PLSCR1: variants seen among roughly 807,000 people sequenced by gnomAD.
The protein encoded by PLSCR1 is PL scramblase 1.
In PLSCR1, 17 loss-of-function variants were observed where a neutral mutation model predicts 37.8. That is an observed-to-expected ratio of 0.45 (90% confidence interval 0.31 to 0.68). PLSCR1 has a LOEUF of 0.68. Ranked by LOEUF, PLSCR1 falls within the 30% of genes least tolerant of loss-of-function variation. The pLI is 0.06. For synonymous variants in PLSCR1, 116 were observed against 125.9 expected (o/e 0.92, Z 0.53); for missense variants, 347 against 380.9 (o/e 0.91, Z 0.74).
At chr3:146,518,609 A>C (rs2043977188) in intron 7 of PLSCR1, among the ~76,000 whole-genome samples, 1 of 152,222 alleles carries the variant, frequency 6.6e-6, no homozygotes, top group Admixed American at 6.6e-5. Flanking sequence ...AAAATGAAAA[A>C]TGCAGCTGAC....
At chr3:146,520,699 A>T (rs1041613221) in intron 7 of PLSCR1, among the ~76,000 whole-genome samples, 1 of 152,110 alleles carries the variant, frequency 6.6e-6, no homozygotes, top group Non-Finnish European at 1.5e-5. Context: ...ATGACACTGG[A>T]TATTGAAAAA....
chr3:146,540,140 T>A (rs1576799562), intron 1 of PLSCR1, among the ~76,000 whole-genome samples: 1 of 152,298 alleles, frequency 6.6e-6, no homozygotes, highest in East Asian at 1.9e-4. Flanking sequence ...AAAGGGAAAA[T>A]CATCTTTATG....
chr3:146,515,757 TA>T lies in PLSCR1; in HGVS notation c.*287del. The T allele has an allele frequency of 4.2e-6, 1 of 240,408 alleles. No homozygotes were observed. The allele number at this position is 240,408 out of a possible 1,614,324, so 14.9% of individuals were successfully genotyped here. On this transcript the variant is annotated 3_prime_UTR_variant, in exon 9 of 9. Transcript: ENST00000342435. ...TAAGGCCTTAGTTAATATTTGGTAG[TA>T]AAATGGACAATGAATCAGAGATCAT...
chr3:146,515,973 A>T lies in PLSCR1; in HGVS notation c.*72T>A. Reference sequence around the variant, plus strand: ...CTACAGGCCTTACAGCTTAATTCATACAGGTATGAGTTTAGATAGTCTCAA... The same window carrying T: ...CTACAGGCCTTACAGCTTAATTCATTCAGGTATGAGTTTAGATAGTCTCAA... On this transcript the variant is annotated 3_prime_UTR_variant, in exon 9 of 9. Coordinates refer to ENST00000342435, the MANE Select transcript of PLSCR1 (RefSeq NM_021105.3). The T allele has an allele frequency of 1.1e-6, 1 of 924,472 alleles. No individual in the cohort carries two copies. The highest frequency in any genetic ancestry group is 1.7e-6 in the Non-Finnish European group (1 of 575,888). 57.3% of individuals were successfully genotyped at this position (924,472 alleles called of 1,614,324 possible). A position where few individuals can be genotyped will look rare whatever the true frequency, so the allele number is the denominator to read the frequency against.
At chr3:146,526,880 G>T (rs2044124325) in intron 4 of PLSCR1, among the ~76,000 whole-genome samples, 1 of 152,168 alleles carries the variant, frequency 6.6e-6, no homozygotes, top group Non-Finnish European at 1.5e-5. Context: ...AGTGGTTCAC[G>T]ACTGTAATCC....
chr3:146,539,450 G>A (rs1292328508), intron 1 of PLSCR1, among the ~76,000 whole-genome samples: 3 of 152,226 alleles, frequency 2.0e-5, no homozygotes, highest in Non-Finnish European at 4.4e-5. Context: ...TGGTGATCCA[G>A]GAGCTGGGGA....
intron 7 of PLSCR1, among the ~76,000 whole-genome samples, chr3:146,519,147 T>A (rs991311803): frequency 6.6e-6 from 1 of 152,118 alleles, no homozygotes; most frequent in African/African-American, 2.4e-5. Context: ...CAAAGAGAAG[T>A]GAAAGAATTT....
At chr3:146,534,470 A>C (rs2044239823) in intron 2 of PLSCR1, among the ~76,000 whole-genome samples, 1 of 152,094 alleles carries the variant, frequency 6.6e-6, no homozygotes, top group African/African-American at 2.4e-5. Context: ...ACTGTAACAC[A>C]TTTTTCTGTA....
intron 2 of PLSCR1, among the ~76,000 whole-genome samples, chr3:146,533,830 C>T (rs1043451666): frequency 2.6e-5 from 4 of 152,032 alleles, no homozygotes; most frequent in South Asian, 2.1e-4. Flanking sequence ...ATGTTCAGTT[C>T]CATGTTTTGT....
At chr3:146,543,880 G>A (rs960906650) in intron 1 of PLSCR1, among the ~76,000 whole-genome samples, 3 of 152,188 alleles carry the variant, frequency 2.0e-5, no homozygotes, top group African/African-American at 7.2e-5. Flanking sequence ...TAAAGTCGGG[G>A]AGCCTGACTG....
intron 3 of PLSCR1, among the ~76,000 whole-genome samples, chr3:146,531,982 A>G (rs1052760140): frequency 3.9e-5 from 6 of 152,200 alleles, no homozygotes; most frequent in African/African-American, 1.4e-4. Context: ...GAGTATTCTA[A>G]GAATTAAAAG....
intron 5 of PLSCR1, among the ~76,000 whole-genome samples, chr3:146,524,903 T>C (rs1302098628): frequency 6.6e-6 from 1 of 152,246 alleles, no homozygotes; most frequent in Non-Finnish European, 1.5e-5. Context: ...GTTTTATTTT[T>C]TATTAAACCT....
intron 7 of PLSCR1, among the ~76,000 whole-genome samples, chr3:146,520,359 T>C (rs2044002132): frequency 6.6e-6 from 1 of 152,174 alleles, no homozygotes; most frequent in South Asian, 2.1e-4. Context: ...CAAACTTCTG[T>C]TAATATTGTT....
At chr3:146,528,507 C>T in intron 4 of PLSCR1, 107 bp downstream of exon 4, 1 of 868,830 alleles carries the variant, frequency 1.2e-6, no homozygotes, top group South Asian at 1.4e-5. Context: ...GCAGAAAATA[C>T]AGTTTTGCTA....
intron 4 of PLSCR1, among the ~76,000 whole-genome samples, chr3:146,526,183 CAAAAAAA>C (rs60229241): frequency 2.3e-5 from 1 of 42,822 alleles, no homozygotes; most frequent in African/African-American, 9.7e-5. Context: ...GACTCCATCT[CAAAAAAA>C]AAAAAAAAAA....
rs752104281 is a variant in PLSCR1, at chr3:146,521,620, T to C, written c.662A>G (p.Asn221Ser). The C allele has an allele frequency of 3.1e-6, 5 of 1,613,878 alleles. No individual in the cohort carries two copies. Among genetic ancestry groups the C allele is most frequent in the Non-Finnish European group, 4.2e-6 (5 of 1,179,768 alleles). Residue 221 changes from asparagine to serine, a missense_variant, in exon 7 of 9, where the codon AAT becomes AGT. Physicochemically the swap from Asn to Ser is conservative, Grantham distance 46 (BLOSUM62 1). Transcript: ENST00000342435. ...HPCLPKFTIQ[N>S]EKREDVLKIS... is the part of the protein sequence containing the mutation. The stretch of plus-strand genomic sequence containing the variant: ...TTTTAGTACATCCTCTCTTTTCTCA[T>C]TTTGAATTGTAAACTTTGGTAGACA...
In PLSCR1 at chr3:146,522,061, C is replaced by T; in HGVS notation, c.356-8G>A. 7.0e-7 allele frequency: 1 copy of T among 1,428,316 alleles called. No individual in the cohort carries two copies. The highest frequency in any genetic ancestry group is 1.7e-5 in the Admixed American group (1 of 59,678). 88.5% of individuals were successfully genotyped at this position (1,428,316 alleles called of 1,614,324 possible). On this transcript the variant is annotated splice_polypyrimidine_tract_variant and splice_region_variant and intron_variant, in intron 5 of 8. Transcript: ENST00000342435. ...TTTCAAAACCTGTTAAAACTAAAAACATAAAAGACGAAATCATAATCACCT... is the reference window on the plus strand; with the variant it reads ...TTTCAAAACCTGTTAAAACTAAAAATATAAAAGACGAAATCATAATCACCT...
In PLSCR1 at chr3:146,533,456, A is replaced by C. The variant is rs763447471; in HGVS notation, c.94+14T>G. On this transcript the variant is annotated intron_variant, in intron 3 of 8. Transcript: ENST00000342435. Reference sequence around the variant, plus strand: ...AATTAATTTTACTTTTTCTTCTTTCAGCAACTGCTTTACCTTGGAATGCTG... The same window carrying C: ...AATTAATTTTACTTTTTCTTCTTTCCGCAACTGCTTTACCTTGGAATGCTG... 6.6e-7 allele frequency: 1 copy of C among 1,510,340 alleles called. No individual in the cohort carries two copies. The highest frequency in any genetic ancestry group is 1.2e-5 in the South Asian group (1 of 83,890). The allele number at this position is 1,510,340 out of a possible 1,614,324, so 93.6% of individuals were successfully genotyped here.
At chr3:146,531,172 G>A (rs1216956600) in intron 3 of PLSCR1, among the ~76,000 whole-genome samples, 1 of 152,192 alleles carries the variant, frequency 6.6e-6, no homozygotes, top group Non-Finnish European at 1.5e-5. Flanking sequence ...AGGATGCACA[G>A]GAGTTCAGGA....
Sources: allele counts gnomAD v4.1 joint callset (sites outside exome capture counted in the v4.1 genomes callset), GRCh38; gene constraint gnomAD v4.1.1; transcripts MANE v1.5; gene names NCBI Gene and HGNC (gene_info 2026-07-23, HGNC 2026-07-21).